Variants in PEBP4 observed in about 807,000 individuals in gnomAD.
The protein encoded by PEBP4 is phosphatidylethanolamine binding protein 4, also known as phosphatidylethanolamine-binding protein 4.
A neutral mutation model predicts 23.9 loss-of-function variants in PEBP4; 22 were observed. That is an observed-to-expected ratio of 0.92 (90% CI 0.66 to 1.31). The LOEUF (loss-of-function observed/expected upper bound fraction) is 1.31, where lower values mean the gene tolerates loss of function less well. Ranked by LOEUF, PEBP4 falls within the 40% of genes most tolerant of loss-of-function variation. PEBP4 has a pLI of 0.00. For synonymous variants in PEBP4, 112 were observed against 99.3 expected, an observed-to-expected ratio of 1.13 and a Z score of -0.76; for missense variants, 324 against 281.7, an observed-to-expected ratio of 1.15 and a Z score of -1.07.
chr8:22,828,481 T>C (rs1447006693), intron 3 of PEBP4, among the ~76,000 whole-genome samples: 1 of 152,202 alleles, frequency 6.6e-6, no homozygotes, highest in East Asian at 1.9e-4. Context: ...CTGCATCCTG[T>C]CTCTCCAGCA....
chr8:22,773,881 AC>A (rs1230034804), intron 4 of PEBP4, among the ~76,000 whole-genome samples: 4 of 151,842 alleles, frequency 2.6e-5, no homozygotes, highest in African/African-American at 9.7e-5. Context: ...CCCTGTTCTG[AC>A]CAGAGGACGA....
intron 4 of PEBP4, chr8:22,745,845 G>T (rs889972554): frequency 1.3e-5 from 2 of 152,232 alleles, no homozygotes; most frequent in Non-Finnish European, 2.9e-5. Flanking sequence ...ACAACAGCCC[G>T]CGAGGCAGGA....
intron 1 of PEBP4, among the ~76,000 whole-genome samples, chr8:22,939,939 C>T (rs745686564): frequency 3.3e-5 from 5 of 152,202 alleles, no homozygotes; most frequent in Non-Finnish European, 7.3e-5. Context: ...ATTTCATTAA[C>T]AGATGCACAT....
intron 4 of PEBP4, among the ~76,000 whole-genome samples, chr8:22,781,612 C>G (rs1169465551): frequency 6.6e-6 from 1 of 152,128 alleles, no homozygotes; most frequent in Non-Finnish European, 1.5e-5. Context: ...GTTCCCTCCC[C>G]CTGTACCCAG....
chr8:22,732,634 T>TGTGTGTGTGTG (rs1554479294), intron 4 of PEBP4, among the ~76,000 whole-genome samples: 2 of 149,122 alleles, frequency 1.3e-5, no homozygotes, highest in African/African-American at 2.5e-5. Context: ...CTGGCCCCAT[T>TGTGTGTGTGTG]TGTGTGTGTG....
chr8:22,761,378 A>T (rs1461611930), intron 4 of PEBP4, among the ~76,000 whole-genome samples: 1 of 150,806 alleles, frequency 6.6e-6, no homozygotes, highest in Non-Finnish European at 1.5e-5. Flanking sequence ...GGCTCCTGAC[A>T]TGGCGAGGGG....
intron 4 of PEBP4, among the ~76,000 whole-genome samples, chr8:22,779,697 C>T (rs1337281726): frequency 1.3e-5 from 2 of 152,194 alleles, no homozygotes; most frequent in Admixed American, 6.5e-5. Context: ...GCCCTTAGCA[C>T]TGTGTTTAGC....
chr8:22,789,982 G>A (rs145892738), intron 4 of PEBP4, among the ~76,000 whole-genome samples: 1 of 152,280 alleles, frequency 6.6e-6, no homozygotes, highest in African/African-American at 2.4e-5. Context: ...AGGATGGGGA[G>A]TCCAATGCCT....
intron 4 of PEBP4, among the ~76,000 whole-genome samples, chr8:22,728,122 C>T (rs532790879): frequency 3.9e-5 from 6 of 152,202 alleles, no homozygotes; most frequent in Non-Finnish European, 7.4e-5. Flanking sequence ...TGTGCCCTGG[C>T]TACCTTTTCA....
intron 2 of PEBP4, chr8:22,925,372 G>A (rs1487028795): frequency 3.1e-6 from 3 of 966,884 alleles, no homozygotes; most frequent in Non-Finnish European, 2.5e-6. Flanking sequence ...TAGGGAAAGA[G>A]CGTGAGTGTG....
intron 4 of PEBP4, chr8:22,815,140 C>A (rs940582882): frequency 5.9e-5 from 9 of 152,228 alleles, no homozygotes; most frequent in African/African-American, 1.9e-4. Context: ...AGGATTATGT[C>A]TATTTCACAA....
intron 4 of PEBP4, among the ~76,000 whole-genome samples, chr8:22,739,720 G>A (rs1804948668): frequency 6.6e-6 from 1 of 152,102 alleles, no homozygotes; most frequent in Non-Finnish European, 1.5e-5. Context: ...TCCGGCCCTA[G>A]CAGTCCTCCC....
rs2128754480 is a variant in PEBP4 at position 22,775,421 on chromosome 8, C to T, written c.357+42216G>A. ...GGAGCGGCCTTGCCAACCAATCCCT[C>T]CTTTACAACCATGCCGGGAGGGGTG... On this transcript the variant is annotated intron_variant, in intron 4 of 6. Coordinates refer to ENST00000256404, the MANE Select transcript of PEBP4 (RefSeq NM_144962.3). This position sits in a 1 kb window ranked among gnomAD's most constrained non-coding sequence, Gnocchi z 4.8. 6.6e-6 allele frequency among the ~76,000 whole-genome samples: 1 copy of T among 152,286 alleles called. No homozygotes were observed. The highest frequency in any genetic ancestry group is 2.1e-4 in the South Asian group (1 of 4,826).
chr8:22,722,779 T>G (rs36051491), intron 6 of PEBP4, among the ~76,000 whole-genome samples: 1,623 of 129,028 alleles, frequency 0.013, 35 homozygotes, highest in African/African-American at 0.046. Flanking sequence ...CATTTTTTTT[T>G]TTTTGTTTTT....
intron 4 of PEBP4, among the ~76,000 whole-genome samples, chr8:22,734,122 C>T (rs548157135): frequency 1.3e-5 from 2 of 152,226 alleles, no homozygotes; most frequent in Non-Finnish European, 2.9e-5. Context: ...GACTGGAAAG[C>T]GCTACCCAGC....
chr8:22,920,147 A>T (rs770836145), intron 3 of PEBP4, 37 bp downstream of exon 3: 6 of 1,572,682 alleles, frequency 3.8e-6, no homozygotes, highest in Non-Finnish European at 5.2e-6. Flanking sequence ...AAGACCCCCA[A>T]CTGTCCCCCC....
At position 22,797,281 on chromosome 8, in the gene PEBP4, G is replaced by T. The variant is rs768341432; in HGVS notation, c.357+20356C>A. The stretch of plus-strand genomic sequence containing the variant: ...AAAAAAAAAAAAAAAAAGACAGAAA[G>T]AAAGAAAAACAAACCCAAATCGGAA... On this transcript the variant is annotated intron_variant, in intron 4 of 6. Coordinates refer to ENST00000256404, the MANE Select transcript of PEBP4 (RefSeq NM_144962.3). 6.5e-4 allele frequency among the ~76,000 whole-genome samples: 96 copies of T among 146,914 alleles called. 1 individual carries two copies. The highest frequency in any genetic ancestry group is 1.1e-3 in the Non-Finnish European group (73 of 66,524).
At chr8:22,940,418 A>G (rs1935277086) in intron 1 of PEBP4, among the ~76,000 whole-genome samples, 2 of 152,140 alleles carry the variant, frequency 1.3e-5, no homozygotes. Flanking sequence ...GTCACAAATA[A>G]TGCCTCAAAT....
At chr8:22,737,757 C>T (rs1285276238) in intron 4 of PEBP4, among the ~76,000 whole-genome samples, 1 of 152,224 alleles carries the variant, frequency 6.6e-6, no homozygotes. Context: ...AATTTCACAG[C>T]GTCTGAGTTT....
Sources: allele counts gnomAD v4.1 joint callset (sites outside exome capture counted in the v4.1 genomes callset), GRCh38; gene constraint gnomAD v4.1.1; non-coding constraint Gnocchi (gnomAD v3.1); transcripts MANE v1.5; gene names NCBI Gene and HGNC (gene_info 2026-07-23, HGNC 2026-07-21).